The following DDX55 variants were observed in gnomAD, a reference collection of about 807,000 sequenced individuals.
DDX55 encodes DEAD-box helicase 55, also known as ATP-dependent RNA helicase DDX55.
A neutral mutation model predicts 69.2 loss-of-function variants in DDX55; 56 were observed. The ratio of observed to expected loss-of-function variants is 0.81; its 90% confidence interval spans 0.65 to 1.01. The LOEUF is 1.01. Ranked by LOEUF, DDX55 falls within the 50% of genes least tolerant of loss-of-function variation. The probability of loss-of-function intolerance (pLI) is 0.00; values close to 1 mark genes in which losing one functional copy is unlikely to be tolerated. For missense variants in DDX55, 720 were observed against 745.1 expected, an observed-to-expected ratio of 0.97 and a Z score of 0.39; for synonymous variants, 268 against 273.1, an observed-to-expected ratio of 0.98 and a Z score of 0.18.
At chr12:123,616,117 T>A (rs1487605899) in intron 9 of DDX55, among the ~76,000 whole-genome samples, 2 of 152,256 alleles carry the variant, frequency 1.3e-5, no homozygotes, top group Middle Eastern at 3.2e-3. Flanking sequence ...AATAGTTTTC[T>A]GTTTTTCTTA....
chr12:123,606,978 G>A (rs1953931163), intron 3 of DDX55, among the ~76,000 whole-genome samples: 2 of 152,216 alleles, frequency 1.3e-5, no homozygotes, highest in African/African-American at 4.8e-5. Context: ...GTTATGACGT[G>A]CAGAGAAAAT....
Position 123,616,945 on chromosome 12 carries a change from A to G in DDX55, c.1049+342A>G, listed in dbSNP as rs1954717942. 7.5e-5 allele frequency: 21 copies of G among 279,566 alleles called. 1 individual carries two copies. The highest frequency in any genetic ancestry group is 7.5e-4 in the South Asian group (21 of 27,960). 17.3% of individuals were successfully genotyped at this position (279,566 alleles called of 1,614,324 possible). A position where few individuals can be genotyped will look rare whatever the true frequency, so the allele number is the denominator to read the frequency against. ...CGAGGCAGGTGAATCGTTTGAGCCC[A>G]GGAATTCACCAGCTTGGGCAACAGG... On this transcript the variant is annotated intron_variant, in intron 10 of 13. Coordinates refer to ENST00000238146, the MANE Select transcript of DDX55 (RefSeq NM_020936.3).
Position 123,620,108 on chromosome 12 carries a change from T to G in DDX55, c.1771T>G (p.Leu591Val). The G allele has an allele frequency of 6.2e-7, 1 of 1,613,970 alleles. No individual in the cohort carries two copies. Among genetic ancestry groups the G allele is most frequent in the East Asian group, 2.2e-5 (1 of 44,880 alleles). ...CAAAAGAACAATCAAGACAGTGGAT[T>G]TAGGGATCTCAGATTTGGAAGATGA... is the stretch of plus-strand genomic sequence containing the variant. ...TGKRTIKTVD[L>V]GISDLEDDC The change falls in exon 14 of 14, where the codon TTA becomes GTA. Residue 591 changes from leucine (L) to valine (V), a missense_variant. Physicochemically the swap from Leu to Val is conservative, Grantham distance 32. Transcript: ENST00000238146.
At chr12:123,613,033 G>T in intron 7 of DDX55, 137 bp from the exon 8 acceptor site, 2 of 829,350 alleles carry the variant, frequency 2.4e-6, no homozygotes, top group Non-Finnish European at 1.9e-6. Flanking sequence ...AGGTAGACCA[G>T]TTAACATTCC....
chr12:123,615,000 G>A (rs1022444275), intron 8 of DDX55, among the ~76,000 whole-genome samples, 185 bp from the exon 9 acceptor site: 1 of 152,138 alleles, frequency 6.6e-6, no homozygotes, highest in Non-Finnish European at 1.5e-5. Flanking sequence ...CCTTTCATTG[G>A]CTGAGAGGAT....
At chr12:123,602,403 A>G in intron 1 of DDX55, 147 bp downstream of exon 1, 3 of 811,784 alleles carry the variant, frequency 3.7e-6, no homozygotes, top group Non-Finnish European at 5.5e-6. Context: ...AGCTGCCCAG[A>G]CTGGCGGAAT....
At chr12:123,613,963 GATCTTTAGTAGTACATAAAAA>G (rs1352344822) in intron 8 of DDX55, among the ~76,000 whole-genome samples, 3 of 151,812 alleles carry the variant, frequency 2.0e-5, no homozygotes, top group Non-Finnish European at 2.9e-5. Flanking sequence ...TAAATGTGTT[GATCTTTAGTAGTACATAAAAA>G]ATAATTTTAT....
chr12:123,616,397 C>T, intron 9 of DDX55, 114 bp from the exon 10 acceptor site: 1 of 857,446 alleles, frequency 1.2e-6, no homozygotes. Context: ...TAAACATTTG[C>T]TTCTGTGAGA....
In DDX55 at chr12:123,610,193, C is replaced by T; in HGVS notation, c.741+65C>T. 2.6e-6 allele frequency: 4 copies of T among 1,529,144 alleles called. No individual in the cohort carries two copies. The South Asian group carries it at 3.8e-5, about 15-fold the overall frequency. 94.7% of individuals were successfully genotyped at this position (1,529,144 alleles called of 1,614,324 possible). The stretch of plus-strand genomic sequence containing the variant: ...CAGTGCTCATTTTATGGAAATTGTA[C>T]TGGTAGAATAAATATGTGAGACCCT... On this transcript the variant is annotated intron_variant, in intron 7 of 13. Coordinates refer to ENST00000238146, the MANE Select transcript of DDX55 (RefSeq NM_020936.3).
chr12:123,610,125 C>T lies in DDX55; in HGVS notation c.738C>T (p.Tyr246=), dbSNP rs1179609088. ...QKTPSRLENY[Y]MVCKADEKFN... is the part of the protein sequence containing the mutation. Reference sequence around the variant, plus strand: ...CCCCCTCCCGCCTGGAAAACTACTACATGGTAAGCGCCTGGGCTTGCTTCT... The same window carrying T: ...CCCCCTCCCGCCTGGAAAACTACTATATGGTAAGCGCCTGGGCTTGCTTCT... The change falls in exon 7 of 14, where the codon TAC becomes TAT. Residue 246 remains tyrosine, a synonymous_variant. Coordinates refer to ENST00000238146, the MANE Select transcript of DDX55 (RefSeq NM_020936.3). 5 of 1,613,112 alleles carry T rather than the reference C, an allele frequency of 3.1e-6. No homozygotes were observed. The highest frequency in any genetic ancestry group is 1.7e-6 in the Non-Finnish European group (2 of 1,179,708).
chr12:123,605,796 G>T (rs1304127255), intron 1 of DDX55, 135 bp from the exon 2 acceptor site: 7 of 1,158,586 alleles, frequency 6.0e-6, no homozygotes, highest in African/African-American at 1.5e-5. Context: ...TCTCTATGGT[G>T]ACTTGGTTAC....
intron 7 of DDX55, 97 bp downstream of exon 7, chr12:123,610,225 C>G: frequency 7.0e-7 from 1 of 1,427,108 alleles, no homozygotes; most frequent in Non-Finnish European, 9.3e-7. Flanking sequence ...CCCTGTAGCA[C>G]CTATGAAATG....
In DDX55 at chr12:123,620,049, A is replaced by C. The variant is rs1566208988; in HGVS notation, c.1712A>C (p.Glu571Ala). ...LKKLKKGKIT[E>A]EEFEKGLLTT... is the part of the protein sequence containing the mutation. ...AAACTTAAGAAAGGCAAAATAACTG[A>C]AGAAGAATTTGAGAAGGGCTTGTTG... Residue 571 changes from glutamate to alanine, a missense_variant, in exon 14 of 14, where the codon GAA (glutamate) becomes GCA (alanine). By Grantham distance (107) the Glu-to-Ala change is moderately radical. Transcript: ENST00000238146. The C allele has an allele frequency of 6.2e-7, 1 of 1,614,186 alleles. No individual in the cohort carries two copies. The highest frequency in any genetic ancestry group is 1.7e-5 in the Admixed American group (1 of 60,032).
intron 7 of DDX55, 111 bp downstream of exon 7, chr12:123,610,239 T>C (rs1489567838): frequency 3.6e-6 from 5 of 1,378,030 alleles, no homozygotes; most frequent in South Asian, 1.5e-5. Flanking sequence ...TGAAATGCAT[T>C]TGGGGACAGA....
intron 1 of DDX55, 64 bp downstream of exon 1, chr12:123,602,320 C>T: frequency 7.1e-7 from 1 of 1,415,930 alleles, no homozygotes; most frequent in Non-Finnish European, 9.5e-7. Context: ...TGCATCGGAC[C>T]CACAGGAGGT....
intron 8 of DDX55, 137 bp from the exon 9 acceptor site, chr12:123,615,047 GC>G: frequency 8.7e-7 from 1 of 1,152,314 alleles, no homozygotes; most frequent in Non-Finnish European, 1.2e-6. Context: ...GATTTCCACT[GC>G]CATTTTCCTT....
At chr12:123,602,662 T>C (rs948708876) in intron 1 of DDX55, among the ~76,000 whole-genome samples, 1 of 152,250 alleles carries the variant, frequency 6.6e-6, no homozygotes, top group Non-Finnish European at 1.5e-5. Flanking sequence ...CAGTAAGGGT[T>C]ACCGTTGTTA....
intron 11 of DDX55, 65 bp downstream of exon 11, chr12:123,617,937 A>G (rs1483209447): frequency 5.4e-6 from 8 of 1,474,656 alleles, no homozygotes; most frequent in Non-Finnish European, 7.6e-6. Context: ...GTTCTCCAGC[A>G]TGTGGTCAGC....
chr12:123,619,219 G>T (rs561284676), intron 12 of DDX55, among the ~76,000 whole-genome samples: 10 of 152,294 alleles, frequency 6.6e-5, no homozygotes, highest in African/African-American at 2.4e-4. Flanking sequence ...TAGCCAGGAT[G>T]GTCTCGATCT....
Sources: gnomAD v4.1 joint callset for allele counts (sites outside exome capture counted in the v4.1 genomes callset) on GRCh38, gnomAD v4.1.1 for gene constraint, MANE v1.5 for transcripts, NCBI Gene and HGNC (gene_info 2026-07-23, HGNC 2026-07-21) for gene names.